Variants in EDA observed in about 807,000 individuals in gnomAD.
EDA encodes the protein ectodysplasin-A.
Under a neutral mutation model 23.6 loss-of-function variants are expected in EDA, and 2 were observed. That is an observed-to-expected ratio of 0.08 (90% CI 0.03 to 0.27). EDA has a LOEUF of 0.27. EDA is among the 10% of genes least tolerant of loss of function. The probability of loss-of-function intolerance (pLI) is 1.00; values close to 1 mark genes in which losing one functional copy is unlikely to be tolerated. For synonymous variants in EDA, 131 were observed against 132.0 expected, an observed-to-expected ratio of 0.99 and a Z score of 0.05; for missense variants, 229 against 324.2, an observed-to-expected ratio of 0.71 and a Z score of 2.26.
At chrX:69,819,982 G>A (rs1180418879) in intron 1 of EDA, among the ~76,000 whole-genome samples, 6 of 109,067 alleles carry the variant, frequency 5.5e-5, no homozygotes, top group South Asian at 4.0e-4. Flanking sequence ...CAGGCTACCC[G>A]ACTTCAAACC....
At chrX:69,815,048 G>A (rs1466302385) in intron 1 of EDA, among the ~76,000 whole-genome samples, 3 of 111,956 alleles carry the variant, frequency 2.7e-5, no homozygotes, top group Admixed American at 9.4e-5. Flanking sequence ...GCCAAGCAAC[G>A]TCATTCTTTG....
At position 70,030,446 on chromosome X, in the gene EDA, C is replaced by G. The variant is rs193247629; in HGVS notation, c.742-23C>G. On this transcript the variant is annotated intron_variant, in intron 5 of 7. Transcript: ENST00000374552. ...GCAGCCATTACTCATAGTGACTACT[C>G]TCTATCCTTCTCATCCTGCCAGCCA... is the stretch of plus-strand genomic sequence containing the variant. 240 of 1,190,257 alleles carry G rather than the reference C, an allele frequency of 2.0e-4. 1 individual carries two copies. In the Admixed American group the frequency reaches 5.3e-3, roughly 26 times the overall value.
At chrX:69,727,906 T>C (rs770377697) in intron 1 of EDA, among the ~76,000 whole-genome samples, 22 of 111,726 alleles carry the variant, frequency 2.0e-4, no homozygotes, top group East Asian at 2.0e-3. Context: ...CCAATATTTT[T>C]TGATGTACTA....
At chrX:69,621,140 A>G (rs928513913) in intron 1 of EDA, among the ~76,000 whole-genome samples, 1 of 111,725 alleles carries the variant, frequency 9.0e-6, no homozygotes, top group Non-Finnish European at 1.9e-5. Context: ...CTTTCTTTCT[A>G]TCTTAGATCT....
chrX:69,642,956 G>A (rs1390187578), intron 1 of EDA, among the ~76,000 whole-genome samples: 3 of 111,452 alleles, frequency 2.7e-5, no homozygotes, highest in Non-Finnish European at 5.7e-5. Flanking sequence ...GTGGAAGCTA[G>A]ACATTATTGA....
chrX:69,999,983 A>G (rs2019718698), intron 2 of EDA, among the ~76,000 whole-genome samples: 1 of 112,115 alleles, frequency 8.9e-6, no homozygotes, highest in South Asian at 3.7e-4. Flanking sequence ...CAAAGGATAT[A>G]AATCATTTGA....
intron 1 of EDA, among the ~76,000 whole-genome samples, chrX:69,654,764 A>G (rs1311469216): frequency 2.9e-4 from 25 of 86,045 alleles, no homozygotes; most frequent in African/African-American, 9.8e-4. Context: ...ACATGGACAC[A>G]GGAAGGGGAA....
intron 2 of EDA, among the ~76,000 whole-genome samples, chrX:70,011,796 G>A (rs1310515950): frequency 9.0e-6 from 1 of 111,198 alleles, no homozygotes; most frequent in Non-Finnish European, 1.9e-5. Context: ...TTGAAGGATG[G>A]TTTCACTGGA....
intron 1 of EDA, among the ~76,000 whole-genome samples, chrX:69,694,111 G>A (rs1036915949): frequency 8.9e-6 from 1 of 112,119 alleles, no homozygotes; most frequent in East Asian, 2.8e-4. Context: ...TATACTCCAT[G>A]ATGAGTTATG....
At chrX:69,793,690 A>C (rs2015475502) in intron 1 of EDA, among the ~76,000 whole-genome samples, 1 of 107,034 alleles carries the variant, frequency 9.3e-6, no homozygotes, top group Non-Finnish European at 1.9e-5. Flanking sequence ...AAAGAAGAGG[A>C]AGTTTCTCTT....
At chrX:69,708,460 C>G (rs1251857401) in intron 1 of EDA, among the ~76,000 whole-genome samples, 1 of 102,602 alleles carries the variant, frequency 9.7e-6, no homozygotes, top group Non-Finnish European at 2.0e-5. Context: ...TAGGTAAGGA[C>G]TCAAGTATGG....
At chrX:69,945,096 T>C (rs866401541) in intron 1 of EDA, among the ~76,000 whole-genome samples, 2 of 112,249 alleles carry the variant, frequency 1.8e-5, no homozygotes, top group Non-Finnish European at 1.9e-5. Context: ...CCTACCCTCT[T>C]CACTGCCTCT....
chrX:69,768,088 T>G (rs1267517606), intron 1 of EDA, among the ~76,000 whole-genome samples: 1 of 111,698 alleles, frequency 9.0e-6, no homozygotes, highest in Non-Finnish European at 1.9e-5. Context: ...ATATTCTAGG[T>G]GCAAGTCCTT....
chrX:69,640,121 C>G (rs1271745378), intron 1 of EDA, among the ~76,000 whole-genome samples: 1 of 111,325 alleles, frequency 9.0e-6, no homozygotes, highest in Non-Finnish European at 1.9e-5. Context: ...GCTTTTGATT[C>G]TTGGCTTTGT....
chrX:69,723,082 ATAAAT>A (rs2012650912), intron 1 of EDA, among the ~76,000 whole-genome samples: 1 of 112,067 alleles, frequency 8.9e-6, no homozygotes. Context: ...AGTAGCTTAT[ATAAAT>A]TAAAGTTCTC....
At chrX:69,937,849 T>C in intron 1 of EDA, 3 of 1,195,920 alleles carry the variant, frequency 2.5e-6, no homozygotes, top group Non-Finnish European at 3.4e-6. Flanking sequence ...TAGTCAGCAT[T>C]GCTCCTGAAT....
At chrX:69,624,857 A>G (rs1932324034) in intron 1 of EDA, among the ~76,000 whole-genome samples, 1 of 109,558 alleles carries the variant, frequency 9.1e-6, no homozygotes. Flanking sequence ...ACCTTAGGAG[A>G]AAAACAGCCT....
intron 1 of EDA, among the ~76,000 whole-genome samples, chrX:69,892,804 A>G (rs1379850463): frequency 9.0e-6 from 1 of 111,131 alleles, no homozygotes; most frequent in Non-Finnish European, 1.9e-5. Context: ...TCAGGTCATC[A>G]CTCACTCTTG....
At chrX:69,677,206 A>G (rs1311364081) in intron 1 of EDA, among the ~76,000 whole-genome samples, 49 of 103,853 alleles carry the variant, frequency 4.7e-4, no homozygotes, top group African/African-American at 1.7e-3. Flanking sequence ...TATGTGCCAC[A>G]TTTTCTTAAT....
Sources: allele counts gnomAD v4.1 joint callset (sites outside exome capture counted in the v4.1 genomes callset), GRCh38; gene constraint gnomAD v4.1.1; transcripts MANE v1.5; gene names NCBI Gene and HGNC (gene_info 2026-07-23, HGNC 2026-07-21).